DCLK1: variants seen among roughly 807,000 people sequenced by gnomAD.
DCLK1 encodes the protein serine/threonine-protein kinase DCLK1.
DCLK1 carries 16 observed loss-of-function variants against 86.2 expected under a neutral mutation model. That is an observed-to-expected ratio of 0.19 (90% CI 0.13 to 0.28). The LOEUF (loss-of-function observed/expected upper bound fraction) is 0.28, where lower values mean the gene tolerates loss of function less well. Among genes scored for constraint, DCLK1 ranks in the 10% least tolerant of loss-of-function variants. The pLI is 1.00. For synonymous variants in DCLK1, 369 were observed against 370.5 expected (o/e 1.00, Z 0.05); for missense variants, 590 against 940.2 (o/e 0.63, Z 4.87).
At chr13:35,828,685 C>G (rs200250133) in intron 8 of DCLK1, among the ~76,000 whole-genome samples, 1 of 129,644 alleles carries the variant, frequency 7.7e-6, no homozygotes, top group South Asian at 2.5e-4. Flanking sequence ...CAAAACAAAA[C>G]ACTAGCATTG....
At chr13:36,103,039 C>T (rs1885270093) in intron 3 of DCLK1, among the ~76,000 whole-genome samples, 1 of 152,152 alleles carries the variant, frequency 6.6e-6, no homozygotes, top group Non-Finnish European at 1.5e-5. Flanking sequence ...AGGAGCCAAA[C>T]TGCACACAGA....
chr13:36,054,347 A>G (rs1009579300), intron 3 of DCLK1, among the ~76,000 whole-genome samples: 1 of 152,198 alleles, frequency 6.6e-6, no homozygotes, highest in Non-Finnish European at 1.5e-5. Context: ...GTGCTGTAAT[A>G]AAGTCCTTCA....
chr13:36,051,521 C>A (rs1883122675), intron 3 of DCLK1, among the ~76,000 whole-genome samples: 1 of 151,794 alleles, frequency 6.6e-6, no homozygotes, highest in Admixed American at 6.6e-5. Context: ...GATTATAAAA[C>A]CCTCTGTGTG....
intron 4 of DCLK1, among the ~76,000 whole-genome samples, chr13:35,926,205 T>C (rs578067208): frequency 8.5e-5 from 13 of 152,240 alleles, no homozygotes; most frequent in African/African-American, 3.1e-4. Context: ...ACTACAGGCA[T>C]GTGCCACCAT....
intron 3 of DCLK1, among the ~76,000 whole-genome samples, chr13:36,085,184 T>C (rs1046365080): frequency 6.6e-6 from 1 of 152,292 alleles, no homozygotes; most frequent in Admixed American, 6.5e-5. Flanking sequence ...AACAAATGCC[T>C]ATATGCTCTG....
At chr13:36,041,918 C>T (rs1882714614) in intron 3 of DCLK1, among the ~76,000 whole-genome samples, 2 of 152,122 alleles carry the variant, frequency 1.3e-5, no homozygotes, top group Admixed American at 1.3e-4. Flanking sequence ...TTCATTCTCT[C>T]AAAAATGACT....
rs2086358989 is a variant in DCLK1 at position 35,772,835 on chromosome 13, G to T, written c.*1700C>A. The T allele has an allele frequency of 6.6e-6, 1 of 152,170 alleles. No individual in the cohort carries two copies. The highest frequency in any genetic ancestry group is 2.1e-4 in the South Asian group (1 of 4,828). 9.4% of individuals were successfully genotyped at this position (152,170 alleles called of 1,614,324 possible). A position where few individuals can be genotyped will look rare whatever the true frequency, so the allele number is the denominator to read the frequency against. ...TATTAATGTAGACCATAGTTTCAGG[G>T]TTGAAGAGTAAAAATGCAGCAAGTG... On this transcript the variant is annotated 3_prime_UTR_variant, in exon 17 of 17. Transcript: ENST00000360631.
chr13:35,870,695 C>T (rs962847121), intron 5 of DCLK1, among the ~76,000 whole-genome samples: 1 of 152,190 alleles, frequency 6.6e-6, no homozygotes, highest in East Asian at 1.9e-4. Context: ...CTTGTGCATA[C>T]ACAGCCTCTC....
chr13:36,033,208 T>C (rs771478691), intron 3 of DCLK1, among the ~76,000 whole-genome samples: 19 of 152,206 alleles, frequency 1.2e-4, no homozygotes, highest in Admixed American at 2.6e-4. Context: ...TTTGAAATAA[T>C]GTCCTACTAA....
At chr13:36,044,840 C>T (rs943034682) in intron 3 of DCLK1, among the ~76,000 whole-genome samples, 5 of 151,732 alleles carry the variant, frequency 3.3e-5, no homozygotes, top group African/African-American at 4.8e-5. Flanking sequence ...TTTTAAGAAA[C>T]GTGGAGGTAA....
intron 4 of DCLK1, among the ~76,000 whole-genome samples, chr13:35,903,702 C>G (rs1311354274): frequency 3.3e-5 from 5 of 151,998 alleles, no homozygotes; most frequent in Non-Finnish European, 7.4e-5. Context: ...TCCACCCCCT[C>G]CAAAGTCAAG....
At chr13:35,803,852 T>G (rs1319399697) in intron 15 of DCLK1, among the ~76,000 whole-genome samples, 9 of 152,194 alleles carry the variant, frequency 5.9e-5, no homozygotes, top group Non-Finnish European at 1.3e-4. Context: ...ATCAATGAGC[T>G]GACAATTTTA....
At chr13:36,118,021 A>G (rs565267993) in intron 2 of DCLK1, among the ~76,000 whole-genome samples, 5 of 152,310 alleles carry the variant, frequency 3.3e-5, no homozygotes, top group South Asian at 4.1e-4. Context: ...TAAAAATAAA[A>G]TAATAATATG....
intron 3 of DCLK1, among the ~76,000 whole-genome samples, chr13:35,976,525 GTTTTTTT>G (rs11294824): frequency 1.8e-4 from 10 of 56,374 alleles, no homozygotes; most frequent in East Asian, 1.0e-3. Context: ...CTTCTCCGAG[GTTTTTTT>G]TTTTTTTTTT....
At position 35,934,431 on chromosome 13, in the gene DCLK1, C is replaced by T. The variant is rs539756583; in HGVS notation, c.823+12927G>A. ...TTTAATTGGACTTACAGTTCCACAT[C>T]GCTGGGGAAGCCTCACAATCATGGC... On this transcript the variant is annotated intron_variant, in intron 4 of 16. Transcript: ENST00000360631. Among the ~76,000 whole-genome samples the T allele has an allele frequency of 4.1e-4, 63 of 152,274 alleles. 1 individual carries two copies. The highest frequency in any genetic ancestry group is 1.4e-3 in the African/African-American group (60 of 41,558).
chr13:36,053,409 T>C lies in DCLK1; in HGVS notation c.723+58460A>G, dbSNP rs182631637. 1.6e-4 allele frequency among the ~76,000 whole-genome samples: 25 copies of C among 152,134 alleles called. No individual in the cohort carries two copies. The East Asian group carries it at 3.5e-3, about 21-fold the overall frequency. On this transcript the variant is annotated intron_variant, in intron 3 of 16. Coordinates refer to ENST00000360631, the MANE Select transcript of DCLK1 (RefSeq NM_001330071.2). ...CAGAGATCACTTTCTACTTAGTAAA[T>C]CTGGAAATAGCCATGGAGAAAGGAA...
At chr13:35,887,972 AG>A in intron 4 of DCLK1, among the ~76,000 whole-genome samples, 1 of 151,264 alleles carries the variant, frequency 6.6e-6, no homozygotes. Context: ...CGAATGAAAA[AG>A]TTCTCCTGGA....
chr13:35,980,483 C>T (rs552376804), intron 3 of DCLK1, among the ~76,000 whole-genome samples: 15 of 152,212 alleles, frequency 9.9e-5, no homozygotes, highest in African/African-American at 2.9e-4. Context: ...GTGTTCCCCC[C>T]GGCAACTACT....
At chr13:35,951,270 C>CATGGATGGATGGATGGATGGATGG in intron 3 of DCLK1, among the ~76,000 whole-genome samples, 1 of 145,296 alleles carries the variant, frequency 6.9e-6, no homozygotes, top group Non-Finnish European at 1.5e-5. Context: ...TGGATGGATG[C>CATGGATGGATGGATGGATGGATGG]ATGGATGGAT....
Sources: allele counts gnomAD v4.1 joint callset (sites outside exome capture counted in the v4.1 genomes callset), GRCh38; gene constraint gnomAD v4.1.1; transcripts MANE v1.5; gene names NCBI Gene and HGNC (gene_info 2026-07-23, HGNC 2026-07-21).